The following CCSER1 variants were observed in gnomAD, a reference collection of about 807,000 sequenced individuals.
CCSER1 encodes the protein coiled-coil serine rich protein 1, also known as serine-rich coiled-coil domain-containing protein 1.
Under a neutral mutation model 82.0 loss-of-function variants are expected in CCSER1, and 41 were observed. That is an observed-to-expected ratio of 0.50 (90% CI 0.39 to 0.65). CCSER1 has a LOEUF of 0.65. CCSER1 is among the 30% of genes least tolerant of loss of function. The pLI, the probability that CCSER1 is intolerant of heterozygous loss-of-function variation, is 0.00. For synonymous variants in CCSER1, 414 were observed against 383.9 expected, an observed-to-expected ratio of 1.08 and a Z score of -0.92; for missense variants, 1,119 against 1,064.2, an observed-to-expected ratio of 1.05 and a Z score of -0.72.
At chr4:91,000,861 A>G (rs1737730504) in intron 9 of CCSER1, among the ~76,000 whole-genome samples, 2 of 152,084 alleles carry the variant, frequency 1.3e-5, no homozygotes. Context: ...ATAGAGTCAT[A>G]TCATCCACAA....
Position 90,342,297 on chromosome 4 carries a change from A to G in CCSER1, c.1509+29250A>G, listed in dbSNP as rs1056816878. On this transcript the variant is annotated intron_variant, in intron 3 of 10. Transcript: ENST00000509176. ...TTGTGGAAACAGTGATTTGCTACCA[A>G]TGCATATATGAGGCCTTTACACTTG... Among the ~76,000 whole-genome samples, 4 of 152,270 alleles carry G rather than the reference A, an allele frequency of 2.6e-5. No homozygotes were observed. In the East Asian group the frequency reaches 7.7e-4, roughly 29 times the overall value.
rs555121260 is a variant in CCSER1 at position 91,196,566 on chromosome 4, C to CT, written c.2217+110573dup. Among the ~76,000 whole-genome samples the CT allele has an allele frequency of 1.6e-3, 244 of 152,278 alleles. 3 individuals are homozygous for CT. The highest frequency in any genetic ancestry group is 5.8e-3 in the African/African-American group (239 of 41,564). ...TCATGACAACCCCCCTGCCCATACT[C>CT]TGTTAATCCATGTATTAGGCATTAC... On this transcript the variant is annotated intron_variant, in intron 10 of 10. Coordinates refer to ENST00000509176, the MANE Select transcript of CCSER1 (RefSeq NM_001145065.2).
chr4:90,868,341 C>T (rs1276027315), intron 8 of CCSER1, among the ~76,000 whole-genome samples: 1 of 152,054 alleles, frequency 6.6e-6, no homozygotes, highest in Non-Finnish European at 1.5e-5. Flanking sequence ...TCCCCCACCA[C>T]TCCCACCTTA....
chr4:90,429,329 G>A (rs958546181), intron 4 of CCSER1, among the ~76,000 whole-genome samples: 2 of 151,724 alleles, frequency 1.3e-5, no homozygotes, highest in Non-Finnish European at 3.0e-5. Context: ...TATATAAAAA[G>A]CTGTTTGGAT....
chr4:90,197,163 T>G (rs1736774122), intron 1 of CCSER1, among the ~76,000 whole-genome samples: 1 of 152,088 alleles, frequency 6.6e-6, no homozygotes, highest in Non-Finnish European at 1.5e-5. Context: ...TTTTACCCAT[T>G]TATTATAAAG....
chr4:90,809,147 A>G (rs1757911820), intron 7 of CCSER1, among the ~76,000 whole-genome samples: 1 of 135,988 alleles, frequency 7.4e-6, no homozygotes, highest in Non-Finnish European at 1.6e-5. Flanking sequence ...GTGAGACCCC[A>G]TTTCCACACA....
chr4:90,991,659 T>A (rs1581274760), intron 9 of CCSER1, among the ~76,000 whole-genome samples: 1 of 152,018 alleles, frequency 6.6e-6, no homozygotes, highest in Admixed American at 6.6e-5. Context: ...TGACCTCATT[T>A]TAAATTAATT....
At chr4:90,930,185 T>A (rs1729558117) in intron 9 of CCSER1, among the ~76,000 whole-genome samples, 1 of 152,204 alleles carries the variant, frequency 6.6e-6, no homozygotes, top group Non-Finnish European at 1.5e-5. Context: ...CCACTTCTAC[T>A]TCCAACTCAT....
chr4:90,974,951 G>A (rs1454420017), intron 9 of CCSER1, among the ~76,000 whole-genome samples: 1 of 151,204 alleles, frequency 6.6e-6, no homozygotes, highest in African/African-American at 2.4e-5. Flanking sequence ...GCCAAATGTG[G>A]AAATAATACA....
intron 4 of CCSER1, among the ~76,000 whole-genome samples, chr4:90,410,223 G>A (rs2153553865): frequency 6.6e-6 from 1 of 152,266 alleles, no homozygotes; most frequent in South Asian, 2.1e-4. Context: ...ACAGATCAAT[G>A]AGACAGAAAG....
chr4:90,317,404 G>A (rs1036306244), intron 3 of CCSER1, among the ~76,000 whole-genome samples: 36 of 152,254 alleles, frequency 2.4e-4, no homozygotes, highest in Admixed American at 5.9e-4. Context: ...TTGAGGTCAG[G>A]AGTTCAAGAC....
chr4:90,429,537 A>G (rs921548070), intron 4 of CCSER1, among the ~76,000 whole-genome samples: 4 of 152,020 alleles, frequency 2.6e-5, no homozygotes, highest in African/African-American at 9.6e-5. Context: ...CAAGCATTAT[A>G]GAACAATATA....
chr4:90,409,407 G>C (rs1578327825), intron 4 of CCSER1, among the ~76,000 whole-genome samples: 1 of 152,210 alleles, frequency 6.6e-6, no homozygotes, highest in Non-Finnish European at 1.5e-5. Flanking sequence ...ACAAAGGGAA[G>C]CCCATCAGAC....
At chr4:90,862,317 G>A (rs570890066) in intron 8 of CCSER1, among the ~76,000 whole-genome samples, 57 of 151,814 alleles carry the variant, frequency 3.8e-4, no homozygotes, top group Middle Eastern at 3.4e-3. Context: ...AATTATGTAC[G>A]TTAGAAACAA....
chr4:90,423,502 G>A (rs1485931387), intron 4 of CCSER1, among the ~76,000 whole-genome samples: 1 of 152,094 alleles, frequency 6.6e-6, no homozygotes, highest in Non-Finnish European at 1.5e-5. Flanking sequence ...GGGAATACAG[G>A]TGTGAGCCAC....
At chr4:90,174,452 G>A (rs1433835456) in intron 1 of CCSER1, among the ~76,000 whole-genome samples, 1 of 151,924 alleles carries the variant, frequency 6.6e-6, no homozygotes, top group African/African-American at 2.4e-5. Context: ...CGTAAAAATT[G>A]GAGAATAAAT....
At chr4:91,491,614 T>C (rs1006716830) in intron 10 of CCSER1, among the ~76,000 whole-genome samples, 1 of 152,146 alleles carries the variant, frequency 6.6e-6, no homozygotes, top group East Asian at 1.9e-4. Context: ...GTGAGCATTT[T>C]AAAAACTTAT....
At chr4:91,318,107 A>AT (rs1229537365) in intron 10 of CCSER1, among the ~76,000 whole-genome samples, 1 of 151,808 alleles carries the variant, frequency 6.6e-6, no homozygotes, top group African/African-American at 2.4e-5. Context: ...TACATGGCCC[A>AT]TGCTCTGGGT....
chr4:91,418,535 G>A (rs532920343), intron 10 of CCSER1, among the ~76,000 whole-genome samples: 5 of 151,918 alleles, frequency 3.3e-5, no homozygotes, highest in Non-Finnish European at 7.4e-5. Flanking sequence ...TAAAGAAATA[G>A]AAAATCTGAA....
Sources: allele counts gnomAD v4.1 joint callset (sites outside exome capture counted in the v4.1 genomes callset), GRCh38; gene constraint gnomAD v4.1.1; transcripts MANE v1.5; gene names NCBI Gene and HGNC (gene_info 2026-07-23, HGNC 2026-07-21).